The following KCTD8 variants were observed in gnomAD, a reference collection of about 807,000 sequenced individuals.
KCTD8 encodes the protein BTB/POZ domain-containing protein KCTD8.
In KCTD8, 27 loss-of-function variants were observed where a neutral mutation model predicts 31.5. The observed-to-expected ratio is 0.86, with a 90% CI of 0.63 to 1.18. The LOEUF is 1.18. Among genes scored for constraint, KCTD8 ranks in the 50% most tolerant of loss-of-function variants. The pLI, the probability that KCTD8 is intolerant of heterozygous loss-of-function variation, is 0.00. For missense variants in KCTD8, 658 were observed against 647.7 expected (o/e 1.02, Z -0.17); for synonymous variants, 290 against 280.0 (o/e 1.04, Z -0.36).
intron 1 of KCTD8, among the ~76,000 whole-genome samples, chr4:44,223,299 T>G (rs1433653998): frequency 3.3e-5 from 5 of 152,072 alleles, no homozygotes; most frequent in Non-Finnish European, 7.4e-5. Context: ...AAGATCATAT[T>G]TTGGGGTGGA....
intron 1 of KCTD8, among the ~76,000 whole-genome samples, chr4:44,360,164 A>G: frequency 6.6e-6 from 1 of 152,142 alleles, no homozygotes; most frequent in African/African-American, 2.4e-5. Context: ...AAAGAGGAAT[A>G]TATGAAAAAT....
At chr4:44,382,994 T>G (rs905972859) in intron 1 of KCTD8, among the ~76,000 whole-genome samples, 1 of 149,722 alleles carries the variant, frequency 6.7e-6, no homozygotes, top group Non-Finnish European at 1.5e-5. Flanking sequence ...AAATCAGTAA[T>G]GTTTCTATAC....
chr4:44,265,747 C>T (rs2109368287), intron 1 of KCTD8, among the ~76,000 whole-genome samples: 1 of 152,208 alleles, frequency 6.6e-6, no homozygotes, highest in Admixed American at 6.5e-5. Context: ...GTGAAGAATG[C>T]AGAAGCCTCA....
intron 1 of KCTD8, among the ~76,000 whole-genome samples, chr4:44,353,684 C>T (rs1342351344): frequency 6.6e-6 from 1 of 152,052 alleles, no homozygotes; most frequent in Middle Eastern, 3.4e-3. Flanking sequence ...ATATTTTTAC[C>T]TCCCACATAT....
intron 1 of KCTD8, among the ~76,000 whole-genome samples, chr4:44,330,432 T>C (rs1304568292): frequency 6.6e-6 from 1 of 151,990 alleles, no homozygotes; most frequent in East Asian, 1.9e-4. Context: ...CTGGAATTAG[T>C]TTCATATACC....
chr4:44,412,810 T>C (rs1720993588), intron 1 of KCTD8, among the ~76,000 whole-genome samples: 1 of 152,198 alleles, frequency 6.6e-6, no homozygotes, highest in African/African-American at 2.4e-5. Context: ...TCTAGGCATA[T>C]TGTCAATTAA....
At chr4:44,295,503 A>T (rs1245863822) in intron 1 of KCTD8, among the ~76,000 whole-genome samples, 1 of 141,246 alleles carries the variant, frequency 7.1e-6, no homozygotes. Context: ...GAAAGCAAAG[A>T]AAAAAATGTA....
rs142674889 is a variant in KCTD8, at chr4:44,370,537, T to C, written c.961+77026A>G. Among the ~76,000 whole-genome samples the C allele has an allele frequency of 5.6e-3, 857 of 152,284 alleles. 9 individuals carry two copies. The highest frequency in any genetic ancestry group is 0.019 in the African/African-American group (798 of 41,574). The stretch of plus-strand genomic sequence containing the variant: ...TCACAGGATTTTTCTATATTTCTCC[T>C]CTAATATCCTTAGAATATTGCTTAT... On this transcript the variant is annotated intron_variant, in intron 1 of 1. Transcript: ENST00000360029.
At chr4:44,411,022 C>T (rs759364032) in intron 1 of KCTD8, among the ~76,000 whole-genome samples, 1 of 152,116 alleles carries the variant, frequency 6.6e-6, no homozygotes, top group Non-Finnish European at 1.5e-5. Flanking sequence ...CAGGAGTTCT[C>T]AGTGACTTTA....
intron 1 of KCTD8, among the ~76,000 whole-genome samples, chr4:44,367,085 G>T (rs1176645341): frequency 6.6e-6 from 1 of 152,014 alleles, no homozygotes; most frequent in African/African-American, 2.4e-5. Context: ...CACTTGCTGG[G>T]CTCCCTCCTG....
intron 1 of KCTD8, among the ~76,000 whole-genome samples, chr4:44,328,121 A>T (rs1718497187): frequency 6.6e-6 from 1 of 151,966 alleles, no homozygotes; most frequent in Admixed American, 6.6e-5. Flanking sequence ...ACACATAATG[A>T]TTAGAATTAT....
At chr4:44,268,134 A>G (rs1213208590) in intron 1 of KCTD8, among the ~76,000 whole-genome samples, 1 of 152,240 alleles carries the variant, frequency 6.6e-6, no homozygotes, top group Non-Finnish European at 1.5e-5. Context: ...CATTGATGCA[A>G]AAATCCTCAA....
Position 44,441,164 on chromosome 4 carries a change from C to A in KCTD8, c.961+6399G>T, listed in dbSNP as rs150064605. On this transcript the variant is annotated intron_variant, in intron 1 of 1. Transcript: ENST00000360029. ...TTACTTGTTGGAATGACTTTGAAAT[C>A]TTGTAAATAAAATTATTCTGATCTT... is the stretch of plus-strand genomic sequence containing the variant. Among the ~76,000 whole-genome samples, 114 of 151,968 alleles carry A rather than the reference C, an allele frequency of 7.5e-4. 1 individual carries two copies. Among genetic ancestry groups the A allele is most frequent in the African/African-American group, 2.6e-3 (109 of 41,448 alleles).
intron 1 of KCTD8, among the ~76,000 whole-genome samples, chr4:44,445,898 TACTC>T (rs1310233015): frequency 2.0e-5 from 3 of 152,210 alleles, no homozygotes; most frequent in African/African-American, 7.2e-5. Context: ...AATACTTAAT[TACTC>T]AATATATATT....
intron 1 of KCTD8, among the ~76,000 whole-genome samples, chr4:44,287,089 T>C (rs887422557): frequency 1.2e-4 from 19 of 152,086 alleles, no homozygotes; most frequent in Non-Finnish European, 2.9e-5. Flanking sequence ...CCTATAGATA[T>C]AAACCACATA....
In KCTD8 at chr4:44,441,238, TA is replaced by T. The variant is rs35613521; in HGVS notation, c.961+6324del. 4.8e-3 allele frequency among the ~76,000 whole-genome samples: 717 copies of T among 150,034 alleles called. 4 individuals are homozygous for T. The highest frequency in any genetic ancestry group is 0.016 in the African/African-American group (675 of 40,918). On this transcript the variant is annotated intron_variant, in intron 1 of 1. Coordinates refer to ENST00000360029, the MANE Select transcript of KCTD8 (RefSeq NM_198353.3). ...TGGTGGTGCAGACTCATACTACTAC[TA>T]AAAAAAAAATACACTTTAAGTCAGT... is the stretch of plus-strand genomic sequence containing the variant.
chr4:44,380,653 T>C (rs924357761), intron 1 of KCTD8, among the ~76,000 whole-genome samples: 4 of 151,966 alleles, frequency 2.6e-5, no homozygotes, highest in South Asian at 2.1e-4. Flanking sequence ...GCTTCTGTGG[T>C]CACCAAATTT....
intron 1 of KCTD8, among the ~76,000 whole-genome samples, chr4:44,446,434 C>A (rs1721938685): frequency 6.6e-6 from 1 of 152,204 alleles, no homozygotes; most frequent in Non-Finnish European, 1.5e-5. Context: ...GTTCCTGCTG[C>A]CATCCCAGCT....
intron 1 of KCTD8, among the ~76,000 whole-genome samples, chr4:44,376,377 A>G (rs768859365): frequency 6.6e-6 from 1 of 152,162 alleles, no homozygotes; most frequent in Non-Finnish European, 1.5e-5. Flanking sequence ...TAAGATTTGC[A>G]AAAAGGTTGT....
Sources: gnomAD v4.1 joint callset for allele counts (sites outside exome capture counted in the v4.1 genomes callset) on GRCh38, gnomAD v4.1.1 for gene constraint, MANE v1.5 for transcripts, NCBI Gene and HGNC (gene_info 2026-07-23, HGNC 2026-07-21) for gene names.